Variants in HMGCLL1 observed in about 807,000 individuals in gnomAD.
The protein encoded by HMGCLL1 is 3-hydroxymethyl-3-methylglutaryl-CoA lyase, cytoplasmic.
A neutral mutation model predicts 39.1 loss-of-function variants in HMGCLL1; 36 were observed. The observed-to-expected ratio is 0.92, with a 90% CI of 0.71 to 1.22. HMGCLL1 has a LOEUF of 1.22. Ranked by LOEUF, HMGCLL1 falls within the 50% of genes most tolerant of loss-of-function variation. HMGCLL1 has a pLI of 0.00. For missense variants in HMGCLL1, 451 were observed against 416.5 expected (o/e 1.08, Z -0.72); for synonymous variants, 149 against 144.0 (o/e 1.03, Z -0.25).
intron 1 of HMGCLL1, among the ~76,000 whole-genome samples, chr6:55,555,371 A>G (rs1379273249): frequency 6.6e-6 from 1 of 152,126 alleles, no homozygotes; most frequent in Admixed American, 6.5e-5. Flanking sequence ...TCCCACAACA[A>G]AAAGGAAACT....
intron 7 of HMGCLL1, among the ~76,000 whole-genome samples, chr6:55,464,065 T>G (rs570069701): frequency 1.3e-5 from 2 of 152,314 alleles, no homozygotes; most frequent in African/African-American, 4.8e-5. Context: ...TCTGTAGAAT[T>G]ATCTAGAATT....
chr6:55,643,280 T>C, the HMGCLL1 span, among the ~76,000 whole-genome samples: 2 of 152,140 alleles, frequency 1.3e-5, no homozygotes, highest in East Asian at 3.9e-4. Flanking sequence ...TGTCCCCTTT[T>C]CTCCGCAACC....
At chr6:55,665,999 A>G in the HMGCLL1 span, among the ~76,000 whole-genome samples, 1 of 151,746 alleles carries the variant, frequency 6.6e-6, no homozygotes, top group Non-Finnish European at 1.5e-5. Flanking sequence ...CATATGAGAA[A>G]CTATGGTTCC....
At chr6:55,458,924 A>C (rs932051389) in intron 7 of HMGCLL1, among the ~76,000 whole-genome samples, 2 of 152,152 alleles carry the variant, frequency 1.3e-5, no homozygotes, top group Non-Finnish European at 2.9e-5. Flanking sequence ...AATTTGGGTA[A>C]TTTGGGTCAC....
the HMGCLL1 span, among the ~76,000 whole-genome samples, chr6:55,616,904 A>C: frequency 6.6e-6 from 1 of 152,084 alleles, no homozygotes; most frequent in East Asian, 1.9e-4. Flanking sequence ...AGAACAAAAA[A>C]AGATCTATTG....
intron 7 of HMGCLL1, among the ~76,000 whole-genome samples, chr6:55,469,301 A>G (rs1764929964): frequency 6.6e-6 from 1 of 150,488 alleles, no homozygotes; most frequent in Non-Finnish European, 1.5e-5. Flanking sequence ...TCCCATCTAC[A>G]TATTCACACA....
At chr6:55,476,535 A>G (rs997250107) in intron 7 of HMGCLL1, among the ~76,000 whole-genome samples, 2 of 151,654 alleles carry the variant, frequency 1.3e-5, no homozygotes, top group African/African-American at 2.4e-5. Context: ...ATCCTTCCCA[A>G]CTTGTACATT....
chr6:55,634,755 G>C, the HMGCLL1 span, among the ~76,000 whole-genome samples: 1 of 152,102 alleles, frequency 6.6e-6, no homozygotes, highest in Non-Finnish European at 1.5e-5. Flanking sequence ...CTTGGAAATA[G>C]AAGATCCCTC....
At chr6:55,483,000 G>A (rs1765823834) in intron 7 of HMGCLL1, among the ~76,000 whole-genome samples, 2 of 152,160 alleles carry the variant, frequency 1.3e-5, no homozygotes, top group Admixed American at 1.3e-4. Context: ...AACGAAACAT[G>A]TATTACAATG....
chr6:55,540,657 C>T (rs1267119419), intron 3 of HMGCLL1, among the ~76,000 whole-genome samples: 1 of 152,076 alleles, frequency 6.6e-6, no homozygotes, highest in Non-Finnish European at 1.5e-5. Flanking sequence ...TAAGTGACTA[C>T]GACAGTAACT....
chr6:55,651,014 C>A, the HMGCLL1 span, among the ~76,000 whole-genome samples: 1 of 152,164 alleles, frequency 6.6e-6, no homozygotes, highest in East Asian at 1.9e-4. Context: ...ACCCTAAGAG[C>A]CTGCTTGTTG....
chr6:55,503,644 T>C (rs10948930), intron 5 of HMGCLL1, among the ~76,000 whole-genome samples: 95,904 of 151,524 alleles, frequency 0.63, 30,577 homozygotes, highest in Non-Finnish European at 0.68. Flanking sequence ...GCCTCATGTA[T>C]ATTACAAGCT....
Position 55,450,327 on chromosome 6 carries a change from A to G in HMGCLL1, c.796-10768T>C, listed in dbSNP as rs992142558. ...GAGCTGGCAGAAGATTTCAAAACAA[A>G]CGAAGAGCATACAGCCTACTGCTTA... On this transcript the variant is annotated intron_variant, in intron 7 of 8. Transcript: ENST00000274901. Among the ~76,000 whole-genome samples the G allele has an allele frequency of 8.5e-5, 13 of 152,336 alleles. No homozygotes were observed. The East Asian group carries it at 2.5e-3, about 29-fold the overall frequency.
At chr6:55,485,017 C>T (rs955093855) in intron 7 of HMGCLL1, among the ~76,000 whole-genome samples, 7 of 152,130 alleles carry the variant, frequency 4.6e-5, no homozygotes, top group African/African-American at 1.7e-4. Context: ...CCACACTGGC[C>T]ACATGTTGTT....
At chr6:55,592,965 A>G in the HMGCLL1 span, among the ~76,000 whole-genome samples, 17 of 152,260 alleles carry the variant, frequency 1.1e-4, no homozygotes, top group East Asian at 1.9e-3. Flanking sequence ...ACACTAAGCT[A>G]AAGTGAAATC....
chr6:55,496,360 A>G (rs1485760396), intron 6 of HMGCLL1, among the ~76,000 whole-genome samples: 2 of 152,132 alleles, frequency 1.3e-5, no homozygotes, highest in East Asian at 1.9e-4. Flanking sequence ...AGATAGTGCC[A>G]TTCTCATTCA....
At chr6:55,564,429 T>C (rs1038554470) in intron 1 of HMGCLL1, among the ~76,000 whole-genome samples, 1 of 152,144 alleles carries the variant, frequency 6.6e-6, no homozygotes, top group Admixed American at 6.6e-5. Flanking sequence ...TTAGGGTACA[T>C]GTGCACAATG....
chr6:55,542,793 C>CATATATTTATATATATATATATTA (rs1481505341), intron 1 of HMGCLL1, among the ~76,000 whole-genome samples: 2 of 105,554 alleles, frequency 1.9e-5, no homozygotes, highest in Non-Finnish European at 4.1e-5. Context: ...AATATATATA[C>CATATATTTATATATATATATATTA]CTATATTTAT....
chr6:55,577,023 A>G, intron 1 of HMGCLL1: 1 of 1,605,948 alleles, frequency 6.2e-7, no homozygotes, highest in East Asian at 2.2e-5. Context: ...GTAGATTGTC[A>G]CTCAAACTCA....
Sources: gnomAD v4.1 joint callset for allele counts (sites outside exome capture counted in the v4.1 genomes callset) on GRCh38, gnomAD v4.1.1 for gene constraint, MANE v1.5 for transcripts, NCBI Gene and HGNC (gene_info 2026-07-23, HGNC 2026-07-21) for gene names.